The following RNF6 variants were observed in gnomAD, a reference collection of about 807,000 sequenced individuals.
The protein encoded by RNF6 is ring finger protein 6, also known as E3 ubiquitin-protein ligase RNF6.
RNF6 carries 21 observed loss-of-function variants against 50.1 expected under a neutral mutation model. That is an observed-to-expected ratio of 0.42 (90% CI 0.30 to 0.60). RNF6 has a LOEUF of 0.60. RNF6 is among the 20% of genes least tolerant of loss of function. The pLI is 0.20. For synonymous variants in RNF6, 255 were observed against 291.8 expected (o/e 0.87, Z 1.29); for missense variants, 698 against 838.2 (o/e 0.83, Z 2.07).
intron 5 of RNF6, among the ~76,000 whole-genome samples, chr13:26,200,262 C>T (rs1201286182): frequency 6.6e-6 from 1 of 152,130 alleles, no homozygotes; most frequent in Non-Finnish European, 1.5e-5. Flanking sequence ...ATACAAATAG[C>T]TAAAATCAAA....
rs771515862 is a variant in RNF6 at position 26,218,630 on chromosome 13, T to C, written c.194-24A>G. On this transcript the variant is annotated intron_variant, in intron 3 of 4. Transcript: ENST00000381588. ...TCCTAAAACAATGAAAAACTGCTCA[T>C]TTAAGAATTCTGAATTAAGTTTTAT... 3.8e-6 allele frequency: 6 copies of C among 1,591,452 alleles called. No homozygotes were observed. The Admixed American group carries it at 5.0e-5, about 13-fold the overall frequency.
chr13:26,162,342 C>T (rs1017699569), intron 5 of RNF6, among the ~76,000 whole-genome samples: 4 of 152,180 alleles, frequency 2.6e-5, no homozygotes, highest in Admixed American at 6.5e-5. Flanking sequence ...CTAGGGAAAT[C>T]GCAGTAAAGA....
chr13:26,206,314 T>C (rs559507679), intron 5 of RNF6, among the ~76,000 whole-genome samples: 1 of 151,810 alleles, frequency 6.6e-6, no homozygotes, highest in South Asian at 2.1e-4. Context: ...CCTGGCAGGG[T>C]GGCACGAGAC....
intron 5 of RNF6, among the ~76,000 whole-genome samples, chr13:26,171,312 T>C (rs1872687123): frequency 1.3e-5 from 2 of 152,272 alleles, no homozygotes; most frequent in Admixed American, 1.3e-4. Context: ...TCAGTAGTCA[T>C]TAGGGAAGCG....
intron 5 of RNF6, among the ~76,000 whole-genome samples, chr13:26,158,221 G>A (rs1370395033): frequency 6.6e-6 from 1 of 152,118 alleles, no homozygotes; most frequent in Admixed American, 6.5e-5. Flanking sequence ...CAGTTTCGAT[G>A]GTTTGAGGTC....
intron 5 of RNF6, among the ~76,000 whole-genome samples, chr13:26,165,244 G>T (rs1486543578): frequency 6.6e-6 from 1 of 152,218 alleles, no homozygotes; most frequent in Non-Finnish European, 1.5e-5. Context: ...TGTTGAGCCT[G>T]CCAGTGCACC....
rs994357768 is a variant in RNF6, at chr13:26,160,093, G to GA, written n.769-27643dup. The stretch of plus-strand genomic sequence containing the variant: ...AAATCTTAGAAACAATGCCCCTCTA[G>GA]AAAAAAAAATTGCCTTAAATTCTTT... On this transcript the variant is annotated intron_variant and non_coding_transcript_variant, in intron 5 of 5. Coordinates refer to the RNF6 transcript ENST00000468480. Among the ~76,000 whole-genome samples the GA allele has an allele frequency of 9.9e-4, 150 of 151,114 alleles. 1 individual carries two copies. Among genetic ancestry groups the GA allele is most frequent in the African/African-American group, 3.3e-3 (136 of 41,248 alleles).
Position 26,214,839 on chromosome 13 carries a change from C to G in RNF6, c.1043G>C (p.Arg348Pro). ...RRSVRRRGRT[R>P]VFLEQDRERE... Reference sequence around the variant, plus strand: ...TTCTCTATCTTGCTCTAAAAAGACTCGAGTTCTACCTCTCCTCCTAACAGA... The same window carrying G: ...TTCTCTATCTTGCTCTAAAAAGACTGGAGTTCTACCTCTCCTCCTAACAGA... Residue 348 changes from arginine to proline, a missense_variant, in exon 5 of 5, where the codon CGA becomes CCA. Physicochemically the swap from Arg to Pro is moderately radical, Grantham distance 103. Coordinates refer to ENST00000381588, the MANE Select transcript of RNF6 (RefSeq NM_005977.4). 6.2e-7 allele frequency: 1 copy of G among 1,614,182 alleles called. No homozygotes were observed. The highest frequency in any genetic ancestry group is 8.5e-7 in the Non-Finnish European group (1 of 1,180,030).
At chr13:26,170,446 C>T (rs1830861) in intron 5 of RNF6, among the ~76,000 whole-genome samples, 113,253 of 152,120 alleles carry the variant, frequency 0.74, 42,431 homozygotes, top group East Asian at 0.8. Context: ...CCATCATTTC[C>T]GTTTTGTGCA....
chr13:26,138,099 A>G lies in RNF6; in HGVS notation n.769-5648T>C, dbSNP rs181677048. 5.2e-3 allele frequency among the ~76,000 whole-genome samples: 796 copies of G among 152,322 alleles called. 6 individuals carry two copies. Among genetic ancestry groups the G allele is most frequent in the African/African-American group, 0.018 (766 of 41,590 alleles). On this transcript the variant is annotated intron_variant and non_coding_transcript_variant, in intron 5 of 5. Coordinates refer to the RNF6 transcript ENST00000468480. The stretch of plus-strand genomic sequence containing the variant: ...AAGGCAAAGCCAAGAGAATCTTGAA[A>G]GCAAGAAAGAAGCTACTAATCACAT...
At chr13:26,205,185 GA>G (rs1869059933) in intron 5 of RNF6, among the ~76,000 whole-genome samples, 1 of 151,898 alleles carries the variant, frequency 6.6e-6, no homozygotes, top group Non-Finnish European at 1.5e-5. Context: ...CCAACAATTA[GA>G]CATCTTCTGA....
At position 26,215,263 on chromosome 13, in the gene RNF6, C is replaced by T; in HGVS notation, c.619G>A (p.Gly207Ser). 6.2e-7 allele frequency: 1 copy of T among 1,614,216 alleles called. No homozygotes were observed. The highest frequency in any genetic ancestry group is 1.3e-5 in the African/African-American group (1 of 75,048). ...TRSQTSVNFN[G>S]SSSNIPRTRL... The stretch of plus-strand genomic sequence containing the variant: ...GTCCTTGGAATGTTGGAACTACTAC[C>T]ATTGAAATTCACTGAGGTTTGGCTT... The change falls in exon 5 of 5, where the codon GGT becomes AGT. Residue 207 changes from glycine (G) to serine (S), a missense_variant. Transcript: ENST00000381588.
rs193253126 is a variant in RNF6 at position 26,179,223 on chromosome 13, C to A, written n.768+36251G>T. 1.9e-3 allele frequency among the ~76,000 whole-genome samples: 290 copies of A among 152,284 alleles called. 10 individuals are homozygous for A. In the East Asian group the frequency reaches 0.048, roughly 25 times the overall value. ...AGATCTAGCTGCCATAGCAGTCATA[C>A]CTGTACAATTTGCATTCTTAGATCT... On this transcript the variant is annotated intron_variant and non_coding_transcript_variant, in intron 5 of 5. Coordinates refer to the RNF6 transcript ENST00000468480.
At chr13:26,222,577 A>T (rs1043006094), upstream of RNF6, 2 of 152,350 alleles carry the variant, frequency 1.3e-5, no homozygotes, top group African/African-American at 4.8e-5. Context: ...GGTGTAACGT[A>T]CTACCCAGCC....
chr13:26,197,854 T>A (rs936643351), intron 5 of RNF6, among the ~76,000 whole-genome samples: 4 of 151,820 alleles, frequency 2.6e-5, no homozygotes, highest in African/African-American at 9.7e-5. Context: ...TGAAACCCCG[T>A]CTGTTCTCTG....
intron 5 of RNF6, among the ~76,000 whole-genome samples, chr13:26,144,120 A>T (rs1279882988): frequency 6.7e-6 from 1 of 150,310 alleles, no homozygotes; most frequent in South Asian, 2.1e-4. Flanking sequence ...CTGCTGGCAC[A>T]TTGGGCACTC....
At chr13:26,166,513 A>T (rs1372397501) in intron 5 of RNF6, among the ~76,000 whole-genome samples, 1 of 152,216 alleles carries the variant, frequency 6.6e-6, no homozygotes, top group Non-Finnish European at 1.5e-5. Context: ...AAGTTTCAGG[A>T]TACAAAATCA....
At chr13:26,191,689 C>T (rs1219537975) in intron 5 of RNF6, among the ~76,000 whole-genome samples, 1 of 152,172 alleles carries the variant, frequency 6.6e-6, no homozygotes, top group Non-Finnish European at 1.5e-5. Flanking sequence ...CTGTGAGTTT[C>T]CTGAGGCCTC....
chr13:26,212,044 A>G (rs888765349), downstream of RNF6, among the ~76,000 whole-genome samples: 2 of 152,132 alleles, frequency 1.3e-5, no homozygotes, highest in African/African-American at 2.4e-5. Context: ...TCTAGGGTAG[A>G]TAAGTGATGA....
Sources: gnomAD v4.1 joint callset for allele counts (sites outside exome capture counted in the v4.1 genomes callset) on GRCh38, gnomAD v4.1.1 for gene constraint, MANE v1.5 for transcripts, NCBI Gene and HGNC (gene_info 2026-07-23, HGNC 2026-07-21) for gene names.